Variants in RALGAPA2 observed in about 807,000 individuals in gnomAD.
The protein encoded by RALGAPA2 is Ral GTPase activating protein catalytic subunit alpha 2, also known as ral GTPase-activating protein subunit alpha-2.
RALGAPA2 carries 139 observed loss-of-function variants against 230.4 expected under a neutral mutation model. The ratio of observed to expected loss-of-function variants is 0.60; its 90% confidence interval spans 0.53 to 0.69. The LOEUF is 0.69. RALGAPA2 is among the 30% of genes least tolerant of loss of function. The pLI is 0.00. For missense variants in RALGAPA2, 2,163 were observed against 2,276.0 expected (o/e 0.95, Z 1.01); for synonymous variants, 847 against 837.8 (o/e 1.01, Z -0.19).
At chr20:20,477,953 C>T (rs144822434) in intron 36 of RALGAPA2, among the ~76,000 whole-genome samples, 85 of 152,306 alleles carry the variant, frequency 5.6e-4, no homozygotes, top group African/African-American at 2.0e-3. Flanking sequence ...GTGACAGACC[C>T]AAGGCCTAAA....
At chr20:20,583,288 A>G in intron 19 of RALGAPA2, 62 bp from the exon 20 acceptor site, 1 of 1,470,666 alleles carries the variant, frequency 6.8e-7, no homozygotes, top group Non-Finnish European at 9.3e-7. Flanking sequence ...AATGTTCACA[A>G]TTACTGATAC....
At chr20:20,585,857 G>C (rs1247245125) in intron 18 of RALGAPA2, among the ~76,000 whole-genome samples, 2 of 151,948 alleles carry the variant, frequency 1.3e-5, no homozygotes, top group African/African-American at 2.4e-5. Flanking sequence ...TGGGGAACAA[G>C]ATGTAGAGTT....
Position 20,546,793 on chromosome 20 carries a change from A to T in RALGAPA2, c.3196T>A (p.Phe1066Ile). ...NTIIRHCPPR[F>I]FSLGFPGFSM... ...AAGCCAGGAAAACCCAGGGAGAAAA[A>T]GCGGGGTGGACAGTGCCTTATGATC... Residue 1066 changes from phenylalanine to isoleucine, a missense_variant, in exon 24 of 40, where the codon TTT becomes ATT. By Grantham distance (21) the Phe-to-Ile change is conservative (BLOSUM62 0). Coordinates refer to ENST00000202677, the MANE Select transcript of RALGAPA2 (RefSeq NM_020343.4). 1 of 1,611,588 alleles carries T rather than the reference A, an allele frequency of 6.2e-7. No individual in the cohort carries two copies. The highest frequency in any genetic ancestry group is 8.5e-7 in the Non-Finnish European group (1 of 1,179,144).
chr20:20,575,061 T>C (rs1218585289), intron 20 of RALGAPA2, among the ~76,000 whole-genome samples: 7 of 152,194 alleles, frequency 4.6e-5, no homozygotes, highest in Non-Finnish European at 8.8e-5. Context: ...GACCCCCAGG[T>C]ATGACTCTCA....
At chr20:20,639,979 C>T (rs1185393217) in intron 6 of RALGAPA2, 79 bp from the exon 7 acceptor site, 2 of 1,061,834 alleles carry the variant, frequency 1.9e-6, no homozygotes, top group Non-Finnish European at 2.9e-6. Context: ...AAAATGGTCT[C>T]TATTAAAATA....
In RALGAPA2 at chr20:20,669,136, G is replaced by A. The variant is rs533402972; in HGVS notation, c.270+7100C>T. On this transcript the variant is annotated intron_variant, in intron 3 of 39. Coordinates refer to ENST00000202677, the MANE Select transcript of RALGAPA2 (RefSeq NM_020343.4). ...CACTCCAATGCCAGAACATGTTTAC[G>A]TTTTGAAATTAAGCCTCTTGTGTCG... Among the ~76,000 whole-genome samples the A allele has an allele frequency of 5.9e-5, 9 of 152,310 alleles. No homozygotes were observed. The South Asian group carries it at 1.0e-3, about 18-fold the overall frequency.
chr20:20,526,741 C>G lies in RALGAPA2; in HGVS notation c.3583-379G>C, dbSNP rs2063215738. Among the ~76,000 whole-genome samples, 4 of 152,338 alleles carry G rather than the reference C, an allele frequency of 2.6e-5. No homozygotes were observed. The South Asian group carries it at 8.3e-4, about 32-fold the overall frequency. On this transcript the variant is annotated intron_variant, in intron 27 of 39. Transcript: ENST00000202677. The stretch of plus-strand genomic sequence containing the variant: ...CTTTTACAAGGATTTTACTCATTCT[C>G]TCACTGATAAATCTTCACTGACAGC...
At chr20:20,684,940 T>C (rs2068647602) in intron 1 of RALGAPA2, among the ~76,000 whole-genome samples, 1 of 152,216 alleles carries the variant, frequency 6.6e-6, no homozygotes, top group Non-Finnish European at 1.5e-5. Flanking sequence ...ATTTCTTGAT[T>C]TGTCTTTTTT....
chr20:20,613,728 A>G (rs1348655360), intron 13 of RALGAPA2, among the ~76,000 whole-genome samples: 1 of 152,006 alleles, frequency 6.6e-6, no homozygotes, highest in East Asian at 1.9e-4. Flanking sequence ...GGGCTTTTGT[A>G]TCTGCTGCTC....
At chr20:20,507,749 G>A (rs751787127) in intron 33 of RALGAPA2, among the ~76,000 whole-genome samples, 5 of 152,196 alleles carry the variant, frequency 3.3e-5, no homozygotes, top group Admixed American at 6.5e-5. Flanking sequence ...ACTGCCCTGA[G>A]CAACAGGCAG....
intron 37 of RALGAPA2, among the ~76,000 whole-genome samples, chr20:20,413,836 C>T (rs1255872581): frequency 6.6e-6 from 1 of 152,244 alleles, no homozygotes; most frequent in African/African-American, 2.4e-5. Context: ...GAACTGGCTT[C>T]TTGACTGTGG....
chr20:20,404,148 G>GT (rs1416273061), intron 38 of RALGAPA2, among the ~76,000 whole-genome samples: 8 of 152,192 alleles, frequency 5.3e-5, no homozygotes, highest in African/African-American at 1.7e-4. Flanking sequence ...ATTGTCTACT[G>GT]TGATGCTACT....
chr20:20,632,893 T>C (rs946219575), intron 9 of RALGAPA2, among the ~76,000 whole-genome samples: 7 of 152,190 alleles, frequency 4.6e-5, no homozygotes, highest in African/African-American at 1.7e-4. Flanking sequence ...AGTCACAATG[T>C]TACTTCATAG....
At chr20:20,603,016 TG>T (rs1390793353) in intron 15 of RALGAPA2, among the ~76,000 whole-genome samples, 1 of 152,174 alleles carries the variant, frequency 6.6e-6, no homozygotes, top group East Asian at 1.9e-4. Context: ...TGGAAGTATC[TG>T]GGTCCTCTCA....
At chr20:20,601,387 C>T (rs928782619) in intron 16 of RALGAPA2, among the ~76,000 whole-genome samples, 4 of 152,176 alleles carry the variant, frequency 2.6e-5, no homozygotes, top group African/African-American at 4.8e-5. Context: ...TATTTATTAA[C>T]AATCTATTTT....
At chr20:20,548,657 G>A (rs2063839207) in intron 23 of RALGAPA2, among the ~76,000 whole-genome samples, 1 of 152,170 alleles carries the variant, frequency 6.6e-6, no homozygotes, top group Non-Finnish European at 1.5e-5. Context: ...GTCCATATCA[G>A]TCAAGGCAAA....
intron 23 of RALGAPA2, among the ~76,000 whole-genome samples, chr20:20,551,929 C>G (rs1274469353): frequency 6.6e-6 from 1 of 152,002 alleles, no homozygotes; most frequent in Non-Finnish European, 1.5e-5. Context: ...CATAATTGCA[C>G]AGCTATAATT....
chr20:20,670,166 C>T (rs559315195), intron 3 of RALGAPA2, among the ~76,000 whole-genome samples: 5 of 152,328 alleles, frequency 3.3e-5, no homozygotes, highest in African/African-American at 1.2e-4. Flanking sequence ...GTTGTATCTC[C>T]AGCACCTACG....
At chr20:20,681,198 A>G (rs905621128) in intron 1 of RALGAPA2, among the ~76,000 whole-genome samples, 11 of 152,066 alleles carry the variant, frequency 7.2e-5, no homozygotes, top group African/African-American at 2.4e-4. Flanking sequence ...ATGGGTTTGT[A>G]CCTCTGAAAA....
Sources: allele counts gnomAD v4.1 joint callset (sites outside exome capture counted in the v4.1 genomes callset), GRCh38; gene constraint gnomAD v4.1.1; transcripts MANE v1.5; gene names NCBI Gene and HGNC (gene_info 2026-07-23, HGNC 2026-07-21).